Variants in C1orf21 observed in about 807,000 individuals in gnomAD.
C1orf21 encodes chromosome 1 open reading frame 21, also known as uncharacterized protein C1orf21.
In C1orf21, 3 loss-of-function variants were observed where a neutral mutation model predicts 18.7. The ratio of observed to expected loss-of-function variants is 0.16; its 90% confidence interval spans 0.07 to 0.42. The LOEUF (loss-of-function observed/expected upper bound fraction) is 0.42. C1orf21 is among the 10% of genes least tolerant of loss of function. The pLI, the probability that C1orf21 is intolerant of heterozygous loss-of-function variation, is 0.99. For missense variants in C1orf21, 104 were observed against 143.6 expected (o/e 0.72, Z 1.41); for synonymous variants, 41 against 46.4 (o/e 0.88, Z 0.47).
intron 5 of C1orf21, among the ~76,000 whole-genome samples, chr1:184,605,603 G>A (rs927838260): frequency 2.0e-5 from 3 of 152,200 alleles, no homozygotes; most frequent in African/African-American, 7.2e-5. Flanking sequence ...GATTGATAGA[G>A]GCCAAGGGAA....
At chr1:184,597,561 ACT>A (rs893405647) in intron 4 of C1orf21, among the ~76,000 whole-genome samples, 83 of 152,004 alleles carry the variant, frequency 5.5e-4, no homozygotes, top group African/African-American at 1.9e-3. Flanking sequence ...ACTAAAGGAA[ACT>A]CTGTGTGATA....
At chr1:184,437,646 T>C (rs1223665192) in intron 1 of C1orf21, among the ~76,000 whole-genome samples, 1 of 152,168 alleles carries the variant, frequency 6.6e-6, no homozygotes, top group Non-Finnish European at 1.5e-5. Context: ...TCGGCCTTTT[T>C]GGCACCAGAG....
At position 184,623,072 on chromosome 1, in the gene C1orf21, G is replaced by A. The variant is rs1366587481; in HGVS notation, c.*3516G>A. On this transcript the variant is annotated 3_prime_UTR_variant, in exon 6 of 6. Transcript: ENST00000235307. ...TCTTCCATAAGCCTGCTAAAAAACA[G>A]AGATGATACCTCTTACAAACTTTAC... is the stretch of plus-strand genomic sequence containing the variant. 1 of 152,216 alleles carries A rather than the reference G, an allele frequency of 6.6e-6. No individual in the cohort carries two copies. The highest frequency in any genetic ancestry group is 1.5e-5 in the Non-Finnish European group (1 of 68,036). 9.4% of individuals were successfully genotyped at this position (152,216 alleles called of 1,614,324 possible). A position where few individuals can be genotyped will look rare whatever the true frequency, so the allele number is the denominator to read the frequency against.
intron 1 of C1orf21, among the ~76,000 whole-genome samples, chr1:184,418,575 G>C (rs1656497094): frequency 6.6e-6 from 1 of 152,176 alleles, no homozygotes; most frequent in Admixed American, 6.5e-5. Flanking sequence ...ACTTGACTTA[G>C]GTTTTGCTCT....
At chr1:184,442,406 A>G (rs915632671) in intron 1 of C1orf21, among the ~76,000 whole-genome samples, 2 of 152,184 alleles carry the variant, frequency 1.3e-5, no homozygotes, top group African/African-American at 4.8e-5. Flanking sequence ...ATAATATTTA[A>G]CACAGGATTA....
intron 3 of C1orf21, 144 bp downstream of exon 3, chr1:184,507,826 G>C: frequency 1.6e-6 from 1 of 629,258 alleles, no homozygotes; most frequent in Non-Finnish European, 2.7e-6. Flanking sequence ...CCTGGAAGCT[G>C]CACCATTACT....
At chr1:184,395,044 A>G (rs935192808) in intron 1 of C1orf21, among the ~76,000 whole-genome samples, 1 of 152,080 alleles carries the variant, frequency 6.6e-6, no homozygotes, top group African/African-American at 2.4e-5. Flanking sequence ...GAGATCCAAG[A>G]TATTTCTCAA....
chr1:184,424,667 C>T lies in C1orf21; in HGVS notation c.-125+37299C>T, dbSNP rs1447720650. ...ATTTTCTCATTCAGCCTTGCAACAG[C>T]CCTCATTGGATGGGTTTAGTATGCT... On this transcript the variant is annotated intron_variant, in intron 1 of 5. Transcript: ENST00000235307. Among the ~76,000 whole-genome samples the T allele has an allele frequency of 2.6e-5, 4 of 152,134 alleles. No homozygotes were observed. The East Asian group carries it at 7.7e-4, about 29-fold the overall frequency.
At chr1:184,610,046 G>A (rs1418834731) in intron 5 of C1orf21, among the ~76,000 whole-genome samples, 1 of 152,250 alleles carries the variant, frequency 6.6e-6, no homozygotes. Context: ...CTTGAACAGT[G>A]TTAGCCTCTG....
chr1:184,479,073 T>A (rs12132671), intron 2 of C1orf21, among the ~76,000 whole-genome samples: 1 of 152,090 alleles, frequency 6.6e-6, no homozygotes, highest in Non-Finnish European at 1.5e-5. Flanking sequence ...GGAAGAAAAC[T>A]GTTGCATTTT....
At chr1:184,594,933 A>T (rs1038685568) in intron 4 of C1orf21, among the ~76,000 whole-genome samples, 18 of 152,142 alleles carry the variant, frequency 1.2e-4, no homozygotes, top group African/African-American at 4.1e-4. Flanking sequence ...TCTAAAGCCC[A>T]TTTTGCCCAC....
intron 1 of C1orf21, among the ~76,000 whole-genome samples, chr1:184,414,476 A>G (rs1211463313): frequency 6.6e-6 from 1 of 152,192 alleles, no homozygotes; most frequent in Non-Finnish European, 1.5e-5. Context: ...TGTTTCTCAA[A>G]GAGAGGGCAG....
At chr1:184,511,940 T>C (rs1374710303) in intron 3 of C1orf21, among the ~76,000 whole-genome samples, 1 of 152,106 alleles carries the variant, frequency 6.6e-6, no homozygotes, top group Non-Finnish European at 1.5e-5. Flanking sequence ...ATGAGGTCCT[T>C]CCCCTTACAA....
intron 1 of C1orf21, among the ~76,000 whole-genome samples, chr1:184,424,595 G>A (rs1656602159): frequency 6.6e-6 from 1 of 152,120 alleles, no homozygotes; most frequent in Non-Finnish European, 1.5e-5. Context: ...GTTAATAAAG[G>A]CCAACACTAA....
At chr1:184,497,471 G>A (rs767245705) in intron 2 of C1orf21, among the ~76,000 whole-genome samples, 1 of 152,236 alleles carries the variant, frequency 6.6e-6, no homozygotes, top group Non-Finnish European at 1.5e-5. Context: ...GCCTCCCCGC[G>A]TGCACACACG....
chr1:184,603,041 T>C (rs766621791), intron 5 of C1orf21, among the ~76,000 whole-genome samples: 2 of 152,230 alleles, frequency 1.3e-5, no homozygotes, highest in Non-Finnish European at 2.9e-5. Flanking sequence ...CCTATGAAAA[T>C]GCACAAATCA....
chr1:184,407,174 T>C (rs904731286), intron 1 of C1orf21, among the ~76,000 whole-genome samples: 4 of 152,134 alleles, frequency 2.6e-5, no homozygotes, highest in Non-Finnish European at 5.9e-5. Flanking sequence ...AGGGTCTCAC[T>C]ATGTTGCCTA....
At chr1:184,477,021 C>T (rs1182757121) in intron 1 of C1orf21, among the ~76,000 whole-genome samples, 1 of 152,112 alleles carries the variant, frequency 6.6e-6, no homozygotes, top group African/African-American at 2.4e-5. Context: ...GGCTCTCCTT[C>T]CTCGACAGTT....
chr1:184,444,581 A>G (rs963916142), intron 1 of C1orf21, among the ~76,000 whole-genome samples: 10 of 152,176 alleles, frequency 6.6e-5, no homozygotes, highest in Non-Finnish European at 1.3e-4. Flanking sequence ...CTTTATCAGC[A>G]GAATGAAAAT....
Sources: allele counts gnomAD v4.1 joint callset (sites outside exome capture counted in the v4.1 genomes callset), GRCh38; gene constraint gnomAD v4.1.1; transcripts MANE v1.5; gene names NCBI Gene and HGNC (gene_info 2026-07-23, HGNC 2026-07-21).